RECK: variants seen among roughly 807,000 people sequenced by gnomAD.
RECK encodes reversion-inducing cysteine-rich protein with Kazal motifs.
RECK carries 69 observed loss-of-function variants against 115.1 expected under a neutral mutation model. The observed-to-expected ratio is 0.60, with a 90% CI of 0.49 to 0.73. The LOEUF is 0.73. Among genes scored for constraint, RECK ranks in the 30% least tolerant of loss-of-function variants. The pLI, the probability that RECK is intolerant of heterozygous loss-of-function variation, is 0.00. For missense variants in RECK, 1,047 were observed against 1,203.7 expected, an observed-to-expected ratio of 0.87 and a Z score of 1.93; for synonymous variants, 414 against 419.7, an observed-to-expected ratio of 0.99 and a Z score of 0.17.
At chr9:36,081,671 T>TA (rs1314656077) in intron 7 of RECK, among the ~76,000 whole-genome samples, 2 of 151,978 alleles carry the variant, frequency 1.3e-5, no homozygotes, top group African/African-American at 4.8e-5. Context: ...CCATCTCTAC[T>TA]AAAAATACAA....
At chr9:36,071,715 A>C (rs1822236958) in intron 6 of RECK, among the ~76,000 whole-genome samples, 1 of 152,180 alleles carries the variant, frequency 6.6e-6, no homozygotes, top group African/African-American at 2.4e-5. Flanking sequence ...TATTTTTGTG[A>C]GGACTAACTT....
chr9:36,039,661 T>C (rs1820802002), intron 1 of RECK, among the ~76,000 whole-genome samples: 1 of 152,200 alleles, frequency 6.6e-6, no homozygotes, highest in South Asian at 2.1e-4. Context: ...TTAAGTTGCT[T>C]TGTAATAGTA....
chr9:36,046,553 G>A (rs537518010), intron 1 of RECK, among the ~76,000 whole-genome samples: 137 of 152,310 alleles, frequency 9.0e-4, no homozygotes, highest in Non-Finnish European at 1.4e-3. Flanking sequence ...TGTCCTGTTC[G>A]TGGAGAGTGG....
Position 36,043,191 on chromosome 9 carries a change from A to ATT in RECK, c.100+6116_100+6117dup, listed in dbSNP as rs761649232. Among the ~76,000 whole-genome samples, 383 of 53,934 alleles carry ATT rather than the reference A, an allele frequency of 7.1e-3. 16 individuals are homozygous for ATT. The highest frequency in any genetic ancestry group is 0.029 in the Middle Eastern group (1 of 34). 35.4% of individuals were successfully genotyped at this position (53,934 alleles called of 152,430 possible). On this transcript the variant is annotated intron_variant, in intron 1 of 20. Transcript: ENST00000377966. ...AGGCGCCTGCCACCACGCCTGGCTA[A>ATT]TTTTTTTTTTTTTTTTTTTTTTTTG...
At chr9:36,107,054 C>T (rs1398576648) in intron 13 of RECK, among the ~76,000 whole-genome samples, 1 of 145,162 alleles carries the variant, frequency 6.9e-6, no homozygotes. Context: ...TGCAGTGAGC[C>T]GAGATCGTGC....
intron 6 of RECK, 48 bp downstream of exon 6, chr9:36,065,672 A>G (rs759314571): frequency 7.6e-7 from 1 of 1,317,326 alleles, no homozygotes; most frequent in African/African-American, 1.5e-5. Flanking sequence ...AGATGTTATC[A>G]GAATTAACAA....
chr9:36,063,098 G>A (rs1821849125), intron 4 of RECK, among the ~76,000 whole-genome samples: 1 of 151,956 alleles, frequency 6.6e-6, no homozygotes, highest in Non-Finnish European at 1.5e-5. Flanking sequence ...TCGCGCCACT[G>A]CACTCCAGCC....
chr9:36,090,620 A>G (rs1823122175), intron 9 of RECK, among the ~76,000 whole-genome samples: 1 of 152,196 alleles, frequency 6.6e-6, no homozygotes. Flanking sequence ...AAATAAGAAG[A>G]TTGTGTATTA....
chr9:36,100,784 C>T (rs577504689), intron 11 of RECK, among the ~76,000 whole-genome samples: 2 of 152,158 alleles, frequency 1.3e-5, no homozygotes, highest in Non-Finnish European at 2.9e-5. Context: ...CAGATTTCTC[C>T]AGCTGAAAGT....
At chr9:36,084,785 T>G (rs1348357026) in intron 8 of RECK, among the ~76,000 whole-genome samples, 1 of 152,106 alleles carries the variant, frequency 6.6e-6, no homozygotes, top group Non-Finnish European at 1.5e-5. Flanking sequence ...GCCAGCATAG[T>G]GACTCACACC....
chr9:36,066,979 G>A (rs1431580567), intron 6 of RECK: 9 of 546,432 alleles, frequency 1.6e-5, no homozygotes, highest in Non-Finnish European at 2.7e-5. Context: ...CCAAAAATCT[G>A]TATGGCAAAA....
intron 7 of RECK, 27 bp downstream of exon 7, chr9:36,080,665 A>C: frequency 6.2e-7 from 1 of 1,602,508 alleles, no homozygotes. Context: ...ATGGTTGTAC[A>C]AACAGTCCAA....
In RECK at chr9:36,120,749, A is replaced by G. The variant is rs768356900; in HGVS notation, c.2538+13A>G. Reference sequence around the variant, plus strand: ...TACTATTGCTAAGGTAAATTGCTTTATATTCAGATGCTATTGAAATCTTAT... The same window carrying G: ...TACTATTGCTAAGGTAAATTGCTTTGTATTCAGATGCTATTGAAATCTTAT... On this transcript the variant is annotated intron_variant, in intron 19 of 20. Transcript: ENST00000377966. The G allele has an allele frequency of 6.6e-7, 1 of 1,509,246 alleles. No individual in the cohort carries two copies. The highest frequency in any genetic ancestry group is 9.2e-7 in the Non-Finnish European group (1 of 1,084,728). 93.5% of individuals were successfully genotyped at this position (1,509,246 alleles called of 1,614,324 possible).
At chr9:36,078,725 A>C (rs889199516) in intron 6 of RECK, among the ~76,000 whole-genome samples, 2 of 152,184 alleles carry the variant, frequency 1.3e-5, no homozygotes, top group Admixed American at 6.5e-5. Flanking sequence ...TATCAAACAT[A>C]TTTATTCAGG....
At chr9:36,041,835 G>C (rs554817636) in intron 1 of RECK, among the ~76,000 whole-genome samples, 31 of 142,622 alleles carry the variant, frequency 2.2e-4, no homozygotes, top group African/African-American at 7.9e-4. Flanking sequence ...CCCAGCCTCA[G>C]CTCTTCTTGA....
intron 10 of RECK, among the ~76,000 whole-genome samples, chr9:36,098,205 T>C (rs1161140781): frequency 6.6e-6 from 1 of 152,022 alleles, no homozygotes; most frequent in African/African-American, 2.4e-5. Flanking sequence ...GCCAAGAGAG[T>C]AGATGTTAAA....
intron 13 of RECK, among the ~76,000 whole-genome samples, chr9:36,106,164 C>G (rs1160425429): frequency 3.5e-5 from 5 of 144,328 alleles, no homozygotes; most frequent in African/African-American, 1.3e-4. Context: ...GAGCCAAGAT[C>G]GCGCCACTGC....
intron 9 of RECK, among the ~76,000 whole-genome samples, chr9:36,089,318 C>A (rs894786249): frequency 6.6e-6 from 1 of 152,182 alleles, no homozygotes; most frequent in Non-Finnish European, 1.5e-5. Flanking sequence ...AAGGCTTTTC[C>A]TTCTCTCTAA....
chr9:36,081,103 T>C (rs2132620856), intron 7 of RECK, among the ~76,000 whole-genome samples: 1 of 152,188 alleles, frequency 6.6e-6, no homozygotes, highest in South Asian at 2.1e-4. Context: ...GGTGGCTTCA[T>C]GGAGTTGGTA....
Sources: allele counts gnomAD v4.1 joint callset (sites outside exome capture counted in the v4.1 genomes callset), GRCh38; gene constraint gnomAD v4.1.1; transcripts MANE v1.5; gene names NCBI Gene and HGNC (gene_info 2026-07-23, HGNC 2026-07-21).